Variants in SUN1 observed in about 807,000 individuals in gnomAD.
SUN1 encodes the protein Sad1 and UNC84 domain containing 1, also known as SUN domain-containing protein 1.
A neutral mutation model predicts 103.2 loss-of-function variants in SUN1; 61 were observed. The ratio of observed to expected loss-of-function variants is 0.59; its 90% CI spans 0.48 to 0.73. The LOEUF (loss-of-function observed/expected upper bound fraction) is 0.73. Among genes scored for constraint, SUN1 ranks in the 30% least tolerant of loss-of-function variants. SUN1 has a pLI of 0.00. For synonymous variants in SUN1, 490 were observed against 425.7 expected (o/e 1.15, Z -1.86); for missense variants, 1,052 against 1,034.6 (o/e 1.02, Z -0.23).
intron 2 of SUN1, 125 bp from the exon 3 acceptor site, chr7:841,821 C>T: frequency 2.1e-6 from 2 of 966,708 alleles, no homozygotes; most frequent in South Asian, 1.6e-5. Context: ...GCAGAAAAGG[C>T]ATAGGAAAAT....
rs965370736 is a variant in SUN1 at position 871,954 on chromosome 7, C to T, written c.2149-516C>T. Among the ~76,000 whole-genome samples, 3 of 152,216 alleles carry T rather than the reference C, an allele frequency of 2.0e-5. No individual in the cohort carries two copies. The South Asian group carries it at 6.2e-4, about 32-fold the overall frequency. ...CACCACTGTCATCTCCAGAGCTGCTCCATCTTCTAGTCTGAATCTCTGTCC... is the reference window on the plus strand; with the variant it reads ...CACCACTGTCATCTCCAGAGCTGCTTCATCTTCTAGTCTGAATCTCTGTCC... On this transcript the variant is annotated intron_variant, in intron 17 of 18. Coordinates refer to ENST00000401592, the MANE Select transcript of SUN1 (RefSeq NM_001130965.3).
chr7:853,281 A>T, intron 9 of SUN1, 128 bp from the exon 10 acceptor site: 2 of 1,063,968 alleles, frequency 1.9e-6, no homozygotes, highest in Non-Finnish European at 2.7e-6. Flanking sequence ...GTTTCTGTGG[A>T]TTCCTCCATT....
At chr7:824,916 T>C (rs1790064884) in intron 1 of SUN1, among the ~76,000 whole-genome samples, 1 of 152,188 alleles carries the variant, frequency 6.6e-6, no homozygotes, top group Non-Finnish European at 1.5e-5. Flanking sequence ...GAGCAGCTTC[T>C]GTTTCTAGCC....
chr7:848,867 A>C (rs1379252149), intron 5 of SUN1, among the ~76,000 whole-genome samples: 1 of 152,246 alleles, frequency 6.6e-6, no homozygotes, highest in East Asian at 1.9e-4. Flanking sequence ...TCTTAAACAA[A>C]AAGTTAATGT....
intron 5 of SUN1, among the ~76,000 whole-genome samples, chr7:846,201 C>T (rs1015936411): frequency 1.3e-5 from 2 of 151,936 alleles, no homozygotes; most frequent in Admixed American, 1.3e-4. Context: ...CTCCACCTCC[C>T]GGGCTCAAGC....
At chr7:852,700 G>A (rs1005338993) in intron 8 of SUN1, 33 bp downstream of exon 8, 3 of 1,614,104 alleles carry the variant, frequency 1.9e-6, no homozygotes, top group Non-Finnish European at 2.5e-6. Context: ...GCCTCCGATG[G>A]CTAAGCGGTA....
At chr7:833,356 G>T (rs1248234693) in intron 1 of SUN1, 1 of 151,018 alleles carries the variant, frequency 6.6e-6, no homozygotes, top group Non-Finnish European at 1.5e-5. Flanking sequence ...CGTCGCCCAG[G>T]CTAGAGTGCA....
intron 16 of SUN1, among the ~76,000 whole-genome samples, chr7:867,916 C>T (rs982373687): frequency 3.9e-5 from 6 of 152,286 alleles, no homozygotes; most frequent in African/African-American, 1.2e-4. Context: ...ACTCACCGGG[C>T]GTTTGGCTGC....
At chr7:861,649 G>A (rs1314293853) in intron 15 of SUN1, among the ~76,000 whole-genome samples, 185 bp downstream of exon 15, 1 of 152,230 alleles carries the variant, frequency 6.6e-6, no homozygotes, top group Non-Finnish European at 1.5e-5. Flanking sequence ...TTGTGTTTGG[G>A]GGGCACAAGT....
Position 860,200 on chromosome 7 carries a change from C to T in SUN1, c.1597C>T (p.Leu533=). The T allele has an allele frequency of 6.2e-7, 1 of 1,614,270 alleles. No individual in the cohort carries two copies. The highest frequency in any genetic ancestry group is 1.1e-5 in the South Asian group (1 of 91,086). ...EDQQGGSLEQ[L]LQRFSSQFVS... is the part of the protein sequence containing the mutation. ...TCAGCAAGGCGGTTCTCTGGAACAGCTGCTGCAGAGGTTCTCATCACAGTT... is the reference window on the plus strand; with the variant it reads ...TCAGCAAGGCGGTTCTCTGGAACAGTTGCTGCAGAGGTTCTCATCACAGTT... Residue 533 remains leucine, a synonymous_variant, in exon 14 of 19, where the codon CTG becomes TTG. Coordinates refer to ENST00000401592, the MANE Select transcript of SUN1 (RefSeq NM_001130965.3).
chr7:850,956 C>T (rs552627435), intron 5 of SUN1, among the ~76,000 whole-genome samples: 1 of 152,220 alleles, frequency 6.6e-6, no homozygotes, highest in Admixed American at 6.5e-5. Flanking sequence ...TAGTTTTGGT[C>T]TTAATTATTT....
chr7:820,208 C>T (rs1562465336), intron 1 of SUN1, among the ~76,000 whole-genome samples: 1 of 152,204 alleles, frequency 6.6e-6, no homozygotes, highest in Non-Finnish European at 1.5e-5. Context: ...CATCCATGTA[C>T]ATGGAATGTC....
chr7:866,640 G>A (rs1428875818), intron 16 of SUN1, among the ~76,000 whole-genome samples: 1 of 107,054 alleles, frequency 9.3e-6, no homozygotes, highest in Non-Finnish European at 1.9e-5. Flanking sequence ...CCGGGCCTTC[G>A]CCCCCACTGT....
At chr7:820,612 G>A (rs548191635) in intron 1 of SUN1, among the ~76,000 whole-genome samples, 2 of 152,202 alleles carry the variant, frequency 1.3e-5, no homozygotes, top group African/African-American at 2.4e-5. Context: ...AAGAGCAGTG[G>A]TGAAAGTGGC....
rs1221855051 is a variant in SUN1 at position 873,244 on chromosome 7, A to C, written c.2271A>C (p.Ile757=). 9.3e-6 allele frequency: 15 copies of C among 1,614,256 alleles called. No homozygotes were observed. The highest frequency in any genetic ancestry group is 1.3e-5 in the Non-Finnish European group (15 of 1,180,034). The change falls in exon 19 of 19, where the codon ATA becomes ATC. Residue 757 remains isoleucine (I), a synonymous_variant. Transcript: ENST00000401592. ...GACCCGACGACACAGCTTTCCAAAT[A>C]GTGGAACTTCGGATTTTTTCTAACT... ...LKRPDDTAFQ[I]VELRIFSNWG... is the part of the protein sequence containing the mutation.
intron 5 of SUN1, among the ~76,000 whole-genome samples, chr7:844,400 C>T (rs962156179): frequency 9.2e-5 from 14 of 152,224 alleles, no homozygotes; most frequent in Non-Finnish European, 1.3e-4. Flanking sequence ...GTCTTATCCA[C>T]TCCGAGCCTG....
rs1843420622 is a variant in SUN1, at chr7:874,724, T to G, written c.*1393T>G. On this transcript the variant is annotated 3_prime_UTR_variant, in exon 19 of 19. Transcript: ENST00000401592. ...TCCTATATAAAACTGATTTGGGATT[T>G]GGGGTGGAAATATTTTGAATATTAA... 1 of 152,234 alleles carries G rather than the reference T, an allele frequency of 6.6e-6. No individual in the cohort carries two copies. The highest frequency in any genetic ancestry group is 1.9e-4 in the East Asian group (1 of 5,206). 9.4% of individuals were successfully genotyped at this position (152,234 alleles called of 1,614,324 possible).
At chr7:835,895 C>T (rs1802604104) in intron 1 of SUN1, among the ~76,000 whole-genome samples, 1 of 152,200 alleles carries the variant, frequency 6.6e-6, no homozygotes, top group African/African-American at 2.4e-5. Flanking sequence ...ACCATCCAGC[C>T]TCTCATGGGG....
chr7:835,225 C>T (rs1801893621), intron 1 of SUN1, among the ~76,000 whole-genome samples: 2 of 152,256 alleles, frequency 1.3e-5, no homozygotes, highest in Non-Finnish European at 1.5e-5. Flanking sequence ...GGAGCCTCTG[C>T]GACTGGTGCT....
Sources: gnomAD v4.1 joint callset for allele counts (sites outside exome capture counted in the v4.1 genomes callset) on GRCh38, gnomAD v4.1.1 for gene constraint, MANE v1.5 for transcripts, NCBI Gene and HGNC (gene_info 2026-07-23, HGNC 2026-07-21) for gene names.